Variants in URM1 observed in about 807,000 individuals in gnomAD.
URM1 encodes ubiquitin-related modifier 1.
In URM1, 11 loss-of-function variants were observed where a neutral mutation model predicts 17.7. The ratio of observed to expected loss-of-function variants is 0.62; its 90% confidence interval spans 0.39 to 1.03. The LOEUF (loss-of-function observed/expected upper bound fraction) is 1.03, where lower values mean the gene tolerates loss of function less well. Among genes scored for constraint, URM1 ranks in the 50% least tolerant of loss-of-function variants. The probability of loss-of-function intolerance (pLI) is 0.00; values close to 1 mark genes in which losing one functional copy is unlikely to be tolerated. For synonymous variants in URM1, 48 were observed against 50.6 expected (o/e 0.95, Z 0.22); for missense variants, 128 against 129.2 (o/e 0.99, Z 0.04).
At chr9:128,373,940 G>T (rs1833044247) in intron 1 of URM1, among the ~76,000 whole-genome samples, 1 of 152,170 alleles carries the variant, frequency 6.6e-6, no homozygotes, top group Non-Finnish European at 1.5e-5. Flanking sequence ...ATATACAGAA[G>T]ATTAAAAGAT....
chr9:128,387,818 G>T lies in URM1; in HGVS notation c.109G>T (p.Asp37Tyr), dbSNP rs1157186041. 4 of 1,614,022 alleles carry T rather than the reference G, an allele frequency of 2.5e-6. No homozygotes were observed. In the Admixed American group the frequency reaches 6.7e-5, roughly 27 times the overall value. ...VTLPGQEEPW[D>Y]IRNLLIWIKK... is the part of the protein sequence containing the mutation. Reference sequence around the variant, plus strand: ...TTGTTCTGTGCATTCCTTTCCAGGGGACATCCGGAACCTGCTCATCTGGAT... The same window carrying T: ...TTGTTCTGTGCATTCCTTTCCAGGGTACATCCGGAACCTGCTCATCTGGAT... The change falls in exon 3 of 5, where the codon GAC becomes TAC. Residue 37 changes from aspartate to tyrosine, a missense_variant and splice_region_variant. Physicochemically the swap from Asp to Tyr is radical, Grantham distance 160 (BLOSUM62 -3). Coordinates refer to ENST00000372853, the MANE Select transcript of URM1 (RefSeq NM_030914.4). The surrounding 1 kb of genome is among the most constrained non-coding windows in gnomAD (Gnocchi z 4.3).
chr9:128,374,931 C>G (rs543408500), intron 1 of URM1, among the ~76,000 whole-genome samples: 20 of 152,330 alleles, frequency 1.3e-4, no homozygotes, highest in Admixed American at 1.2e-3. Flanking sequence ...TGCTGGGACA[C>G]AGAAATGAAC....
rs1833241750 is a variant in URM1, at chr9:128,387,360, C to T, written c.107-456C>T. Among the ~76,000 whole-genome samples, 1 of 152,210 alleles carries T rather than the reference C, an allele frequency of 6.6e-6. No individual in the cohort carries two copies. Among genetic ancestry groups the T allele is most frequent in the African/African-American group, 2.4e-5 (1 of 41,448 alleles). Reference sequence around the variant, plus strand: ...CACAAAGGGAAATATATGCAGACCCCTCCAAGAGCAAAGCCGAATCCTCCC... The same window carrying T: ...CACAAAGGGAAATATATGCAGACCCTTCCAAGAGCAAAGCCGAATCCTCCC... On this transcript the variant is annotated intron_variant, in intron 2 of 4. Coordinates refer to ENST00000372853, the MANE Select transcript of URM1 (RefSeq NM_030914.4). This position sits in a 1 kb window ranked among gnomAD's most constrained non-coding sequence, Gnocchi z 4.3.
chr9:128,392,001 C>T lies in URM1; in HGVS notation c.*2267C>T, dbSNP rs1423657077. ...CTTTTGAGGAAATAAACAAATAAAA[C>T]CCCGCTATCTCCGAAGATTTTTCTT... On this transcript the variant is annotated 3_prime_UTR_variant, in exon 5 of 5. Coordinates refer to ENST00000372853, the MANE Select transcript of URM1 (RefSeq NM_030914.4). This position sits in a 1 kb window ranked among gnomAD's most constrained non-coding sequence, Gnocchi z 6.5. The T allele has an allele frequency of 1.3e-5, 2 of 152,346 alleles. No individual in the cohort carries two copies. Among genetic ancestry groups the T allele is most frequent in the Non-Finnish European group, 2.9e-5 (2 of 68,134 alleles). The allele number at this position is 152,346 out of a possible 1,614,324, so 9.4% of individuals were successfully genotyped here.
rs191244598 is a variant in URM1, at chr9:128,377,973, C to T, written c.36-63C>T. On this transcript the variant is annotated intron_variant, in intron 1 of 4. Transcript: ENST00000372853. ...AGCCCTATCCTCAGTTTTCTGTTTCCGCTACCTCTTCCTATTTGCAGGAGC... is the reference window on the plus strand; with the variant it reads ...AGCCCTATCCTCAGTTTTCTGTTTCTGCTACCTCTTCCTATTTGCAGGAGC... The T allele has an allele frequency of 1.6e-3, 2,530 of 1,588,102 alleles. 5 individuals carry two copies. Among genetic ancestry groups the T allele is most frequent in the Admixed American group, 2.5e-3 (150 of 59,474 alleles).
rs1438929292 is a variant in URM1, at chr9:128,387,960, C to T, written c.188+63C>T. The T allele has an allele frequency of 1.2e-6, 2 of 1,607,180 alleles. No homozygotes were observed. The highest frequency in any genetic ancestry group is 1.7e-6 in the Non-Finnish European group (2 of 1,176,904). On this transcript the variant is annotated intron_variant, in intron 3 of 4. Transcript: ENST00000372853. This position sits in a 1 kb window ranked among gnomAD's most constrained non-coding sequence, Gnocchi z 4.3. Reference sequence around the variant, plus strand: ...GGAGGGACGGATATTTGAGCCCCCACCCTCGGGTTCAGTCCTGGCCTTCTC... The same window carrying T: ...GGAGGGACGGATATTTGAGCCCCCATCCTCGGGTTCAGTCCTGGCCTTCTC...
chr9:128,375,922 A>G (rs1833070367), intron 1 of URM1, among the ~76,000 whole-genome samples: 1 of 152,170 alleles, frequency 6.6e-6, no homozygotes. Flanking sequence ...TAAGGTCTCA[A>G]CATAGGGAGA....
rs1245403291 is a variant in URM1 at position 128,389,877 on chromosome 9, A to G, written c.*143A>G. 2 of 1,169,190 alleles carry G rather than the reference A, an allele frequency of 1.7e-6. No individual in the cohort carries two copies. Among genetic ancestry groups the G allele is most frequent in the Non-Finnish European group, 2.4e-6 (2 of 844,544 alleles). 72.4% of individuals were successfully genotyped at this position (1,169,190 alleles called of 1,614,324 possible). A position where few individuals can be genotyped will look rare whatever the true frequency, so the allele number is the denominator to read the frequency against. On this transcript the variant is annotated 3_prime_UTR_variant, in exon 5 of 5. Coordinates refer to ENST00000372853, the MANE Select transcript of URM1 (RefSeq NM_030914.4). Reference sequence around the variant, plus strand: ...CCCTAAGCTCCCTCCAGGCAGGGAAAAGAGGCCAGGTGCTAAAAATGAGCC... The same window carrying G: ...CCCTAAGCTCCCTCCAGGCAGGGAAGAGAGGCCAGGTGCTAAAAATGAGCC...
intron 1 of URM1, among the ~76,000 whole-genome samples, chr9:128,371,790 T>G (rs1293082335): frequency 6.6e-6 from 1 of 152,246 alleles, no homozygotes; most frequent in East Asian, 1.9e-4. Context: ...CTCCACCCGC[T>G]GATTTCATTC....
intron 2 of URM1, among the ~76,000 whole-genome samples, chr9:128,380,456 T>C (rs1833144315): frequency 6.6e-6 from 1 of 152,106 alleles, no homozygotes; most frequent in African/African-American, 2.4e-5. Context: ...GGTGACTGTT[T>C]CTTAGTTTGA....
chr9:128,378,334 C>T (rs1255421117), intron 2 of URM1, among the ~76,000 whole-genome samples: 4 of 151,588 alleles, frequency 2.6e-5, no homozygotes, highest in African/African-American at 9.7e-5. Flanking sequence ...GTCAGGAGTT[C>T]GAGACCAGCC....
intron 1 of URM1, among the ~76,000 whole-genome samples, chr9:128,374,784 G>A (rs1470071276): frequency 2.0e-5 from 3 of 152,230 alleles, no homozygotes; most frequent in African/African-American, 7.2e-5. Flanking sequence ...TCCACAAGAA[G>A]TCTGAGATGG....
In URM1 at chr9:128,378,104, C is replaced by T. The variant is rs761857470; in HGVS notation, c.104C>T (p.Pro35Leu). Residue 35 changes from proline (P) to leucine (L), a missense_variant and splice_region_variant, in exon 2 of 5, where the codon CCC (proline) becomes CTC (leucine). By Grantham distance (98) the Pro-to-Leu change is moderately conservative (BLOSUM62 -3). Transcript: ENST00000372853. The stretch of plus-strand genomic sequence containing the variant: ...GTCACTTTGCCTGGACAGGAGGAAC[C>T]CTGTGAGTATTGGCTTTCTGAACCC... The part of the protein sequence containing the change: ...HRVTLPGQEE[P>L]WDIRNLLIWI... 6.2e-7 allele frequency: 1 copy of T among 1,604,238 alleles called. No homozygotes were observed. Among genetic ancestry groups the T allele is most frequent in the South Asian group, 1.1e-5 (1 of 89,522 alleles).
At chr9:128,377,552 C>A (rs1024493395) in intron 1 of URM1, among the ~76,000 whole-genome samples, 1 of 152,122 alleles carries the variant, frequency 6.6e-6, no homozygotes, top group Non-Finnish European at 1.5e-5. Context: ...TGTCTGTAGT[C>A]CCAGCTACTC....
In URM1 at chr9:128,387,529, G is replaced by C. The variant is rs564981781; in HGVS notation, c.107-287G>C. On this transcript the variant is annotated intron_variant, in intron 2 of 4. Coordinates refer to ENST00000372853, the MANE Select transcript of URM1 (RefSeq NM_030914.4). The surrounding 1 kb of genome is among the most constrained non-coding windows in gnomAD (Gnocchi z 4.3). The stretch of plus-strand genomic sequence containing the variant: ...ACCCTTTAGATGCGACAGTCCTCCC[G>C]CCGTCTGCCTTGAATCCCCCCACTA... Among the ~76,000 whole-genome samples, 4 of 152,200 alleles carry C rather than the reference G, an allele frequency of 2.6e-5. No homozygotes were observed. Among genetic ancestry groups the C allele is most frequent in the African/African-American group, 7.2e-5 (3 of 41,498 alleles).
chr9:128,375,980 T>G (rs921541832), intron 1 of URM1, among the ~76,000 whole-genome samples: 3 of 152,146 alleles, frequency 2.0e-5, no homozygotes, highest in African/African-American at 7.2e-5. Context: ...AAAGGCTGTG[T>G]TCTGCACCTG....
At chr9:128,384,531 G>A (rs1239896457) in intron 2 of URM1, among the ~76,000 whole-genome samples, 1 of 152,152 alleles carries the variant, frequency 6.6e-6, no homozygotes, top group East Asian at 1.9e-4. Context: ...GGATGCCACA[G>A]AAAACCCCAG....
rs1291921837 is a variant in URM1 at position 128,391,807 on chromosome 9, GC to G, written c.*2074del. 1 of 152,242 alleles carries G rather than the reference GC, an allele frequency of 6.6e-6. No individual in the cohort carries two copies. The highest frequency in any genetic ancestry group is 2.4e-5 in the African/African-American group (1 of 41,426). The allele number at this position is 152,242 out of a possible 1,614,324, so 9.4% of individuals were successfully genotyped here. ...GGTGCTGGGAAAACCGGGTTTCTTGGCACATGGGGGTGCAAGCACTGTGGTT... is the reference window on the plus strand; with the variant it reads ...GGTGCTGGGAAAACCGGGTTTCTTGGACATGGGGGTGCAAGCACTGTGGTT... On this transcript the variant is annotated 3_prime_UTR_variant, in exon 5 of 5. Transcript: ENST00000372853.
chr9:128,389,874 G>C lies in URM1; in HGVS notation c.*140G>C. On this transcript the variant is annotated 3_prime_UTR_variant, in exon 5 of 5. Transcript: ENST00000372853. ...GTCCCCTAAGCTCCCTCCAGGCAGG[G>C]AAAAGAGGCCAGGTGCTAAAAATGA... 8.4e-7 allele frequency: 1 copy of C among 1,188,512 alleles called. No homozygotes were observed. Among genetic ancestry groups the C allele is most frequent in the Non-Finnish European group, 1.2e-6 (1 of 861,054 alleles). The allele number at this position is 1,188,512 out of a possible 1,614,324, so 73.6% of individuals were successfully genotyped here. A position where few individuals can be genotyped will look rare whatever the true frequency, so the allele number is the denominator to read the frequency against.
Sources: gnomAD v4.1 joint callset for allele counts (sites outside exome capture counted in the v4.1 genomes callset) on GRCh38, gnomAD v4.1.1 for gene constraint, Gnocchi (gnomAD v3.1) non-coding constraint, MANE v1.5 for transcripts, NCBI Gene and HGNC (gene_info 2026-07-23, HGNC 2026-07-21) for gene names.